CP: variants seen among roughly 807,000 people sequenced by gnomAD.
The protein encoded by CP is caeruloplasmin.
CP carries 64 observed loss-of-function variants against 122.4 expected under a neutral mutation model. The ratio of observed to expected loss-of-function variants is 0.52; its 90% CI spans 0.43 to 0.64. The LOEUF (loss-of-function observed/expected upper bound fraction) is 0.64. Among genes scored for constraint, CP ranks in the 30% least tolerant of loss-of-function variants. The pLI is 0.00. For synonymous variants in CP, 440 were observed against 436.4 expected (o/e 1.01, Z -0.10); for missense variants, 1,167 against 1,284.4 (o/e 0.91, Z 1.40).
intron 11 of CP, 78 bp downstream of exon 11, chr3:149,186,442 C>T: frequency 1.5e-6 from 2 of 1,362,480 alleles, no homozygotes; most frequent in Non-Finnish European, 2.1e-6. Flanking sequence ...GTTTATCACC[C>T]AACACATTCT....
At position 149,177,912 on chromosome 3, in the gene CP, C is replaced by G; in HGVS notation, c.2946G>C (p.Trp982Cys). The G allele has an allele frequency of 6.2e-7, 1 of 1,613,538 alleles. No homozygotes were observed. The highest frequency in any genetic ancestry group is 8.5e-7 in the Non-Finnish European group (1 of 1,179,502). Residue 982 changes from tryptophan to cysteine, a missense_variant, in exon 17 of 19, where the codon TGG becomes TGC. Trp to Cys is a radical substitution (Grantham distance 215). Around this residue, in one of 2 missense-constraint regions of CP, gnomAD observed 525 missense variants for 657.2 expected, o/e 0.80. Coordinates refer to ENST00000264613, the MANE Select transcript of CP (RefSeq NM_000096.4). ...LTMHVGDEVN[W>C]YLMGMGNEID... ...TTTCATTGCCCATTCCCATCAGATA[C>G]CAGTTGACTTCATCTCCCACGTGCA...
chr3:149,206,336 C>T lies in CP; in HGVS notation c.1040G>A (p.Gly347Asp). 1 of 1,613,784 alleles carries T rather than the reference C, an allele frequency of 6.2e-7. No homozygotes were observed. The highest frequency in any genetic ancestry group is 1.1e-5 in the South Asian group (1 of 91,068). ...CTGGACCTGGAAAAAGGCTTGCAAACCGGCTGAAATGAAACAGAAAGAGGC... is the reference window on the plus strand; with the variant it reads ...CTGGACCTGGAAAAAGGCTTGCAAATCGGCTGAAATGAAACAGAAAGAGGC... Reference protein sequence around the residue: ...SCQNLNHLKAGLQAFFQVQEC... With the variant: ...SCQNLNHLKADLQAFFQVQEC... Residue 347 changes from glycine to aspartate, a missense_variant, in exon 6 of 19, where the codon GGT becomes GAT. By Grantham distance (94) the Gly-to-Asp change is moderately conservative (BLOSUM62 -1). Coordinates refer to ENST00000264613, the MANE Select transcript of CP (RefSeq NM_000096.4).
intron 15 of CP, among the ~76,000 whole-genome samples, chr3:149,179,022 G>A (rs1016233064): frequency 3.3e-5 from 5 of 152,090 alleles, no homozygotes; most frequent in Middle Eastern, 3.2e-3. Flanking sequence ...ATAATAAATA[G>A]GACCACAAAT....
chr3:149,168,114 T>A, downstream of CP: 1 of 665,958 alleles, frequency 1.5e-6, no homozygotes, highest in South Asian at 1.7e-5. Context: ...GGGGAGCTTA[T>A]TTTCAGCATT....
intron 9 of CP, among the ~76,000 whole-genome samples, chr3:149,193,539 T>C (rs1726683012): frequency 6.6e-6 from 1 of 152,188 alleles, no homozygotes; most frequent in Non-Finnish European, 1.5e-5. Flanking sequence ...ACTATTTTCT[T>C]CTTTTACCTC....
chr3:149,203,833 A>G (rs546011977), intron 6 of CP, among the ~76,000 whole-genome samples: 3 of 152,330 alleles, frequency 2.0e-5, no homozygotes, highest in African/African-American at 7.2e-5. Flanking sequence ...AAGACAGGCC[A>G]TGAACCCATC....
intron 1 of CP, among the ~76,000 whole-genome samples, chr3:149,217,013 G>A (rs1223291067): frequency 6.7e-6 from 1 of 149,836 alleles, no homozygotes; most frequent in Non-Finnish European, 1.5e-5. Context: ...CAACTCTCCT[G>A]CCTTGGCCTC....
chr3:149,200,813 T>C (rs1036361106), intron 7 of CP, among the ~76,000 whole-genome samples: 1 of 151,948 alleles, frequency 6.6e-6, no homozygotes, highest in Non-Finnish European at 1.5e-5. Context: ...CCCAGCCAAG[T>C]TGAGTAACTT....
downstream of CP, among the ~76,000 whole-genome samples, chr3:149,169,247 G>T (rs909456944): frequency 1.3e-5 from 2 of 152,104 alleles, no homozygotes; most frequent in African/African-American, 4.8e-5. Context: ...CTTTAGGTTC[G>T]TTTCACAGAA....
In CP at chr3:149,221,390, G is replaced by A. The variant is rs35541542; in HGVS notation, c.146+257C>T. Among the ~76,000 whole-genome samples the A allele has an allele frequency of 0.022, 3,385 of 152,134 alleles. 129 individuals are homozygous for A. The highest frequency in any genetic ancestry group is 0.078 in the African/African-American group (3,247 of 41,500). ...CACATAAAAAGACAGATTCCTAATC[G>A]GAGATGCAGTTACGACCATGGGAGG... On this transcript the variant is annotated intron_variant, in intron 1 of 18. Coordinates refer to ENST00000264613, the MANE Select transcript of CP (RefSeq NM_000096.4).
chr3:149,194,163 C>A (rs900659570), intron 9 of CP, among the ~76,000 whole-genome samples: 3 of 151,400 alleles, frequency 2.0e-5, no homozygotes, highest in Non-Finnish European at 2.9e-5. Context: ...AAAGTAAGCA[C>A]AAGATCAAGA....
chr3:149,181,979 A>ACCCACACCC, intron 14 of CP, 26 bp downstream of exon 14: 1 of 515,792 alleles, frequency 1.9e-6, no homozygotes, highest in Non-Finnish European at 3.7e-6. Flanking sequence ...AAAATGCACC[A>ACCCACACCC]CCCCCACCCC....
At chr3:149,208,132 G>A (rs772018710) in intron 4 of CP, among the ~76,000 whole-genome samples, 6 of 151,912 alleles carry the variant, frequency 3.9e-5, no homozygotes, top group Non-Finnish European at 7.4e-5. Context: ...TTTTAAGATT[G>A]GAAGAGATAT....
intron 13 of CP, among the ~76,000 whole-genome samples, chr3:149,182,605 A>G (rs1376343093): frequency 6.6e-6 from 1 of 152,082 alleles, no homozygotes; most frequent in African/African-American, 2.4e-5. Context: ...CCTGCAATTG[A>G]TAGTTTTAAA....
In CP at chr3:149,210,028, C is replaced by T. The variant is rs34865491; in HGVS notation, c.607+139G>A. The stretch of plus-strand genomic sequence containing the variant: ...TTCTCCTAGTCCTGCCTGGCTCTTC[C>T]CTTCCTTTTTTTCTACTTACCACCT... On this transcript the variant is annotated intron_variant, in intron 3 of 18. Coordinates refer to ENST00000264613, the MANE Select transcript of CP (RefSeq NM_000096.4). 67,074 of 754,916 alleles carry T rather than the reference C, an allele frequency of 0.089. 3,225 individuals carry two copies. Among genetic ancestry groups the T allele is most frequent in the Non-Finnish European group, 0.099 (44,787 of 451,930 alleles). 46.8% of individuals were successfully genotyped at this position (754,916 alleles called of 1,614,324 possible). A position where few individuals can be genotyped will look rare whatever the true frequency, so the allele number is the denominator to read the frequency against.
intron 1 of CP, among the ~76,000 whole-genome samples, chr3:149,217,308 T>A (rs541106009): frequency 6.6e-6 from 1 of 152,308 alleles, no homozygotes; most frequent in East Asian, 1.9e-4. Flanking sequence ...CATTTAAAAA[T>A]TTAAAAATCA....
downstream of CP, chr3:149,172,337 C>A: frequency 1.4e-6 from 1 of 697,410 alleles, no homozygotes; most frequent in Non-Finnish European, 2.5e-6. Flanking sequence ...CACACACACA[C>A]ACACACACAC....
At chr3:149,214,001 T>A (rs933030313) in intron 1 of CP, among the ~76,000 whole-genome samples, 3 of 152,176 alleles carry the variant, frequency 2.0e-5, no homozygotes, top group Non-Finnish European at 4.4e-5. Flanking sequence ...TGATTCTGAT[T>A]CTGTGGGTCT....
At chr3:149,211,420 G>T (rs1166897960) in intron 2 of CP, among the ~76,000 whole-genome samples, 1 of 152,138 alleles carries the variant, frequency 6.6e-6, no homozygotes. Context: ...GCAAGGCTGG[G>T]GCTCAGACCT....
Sources: allele counts gnomAD v4.1 joint callset (sites outside exome capture counted in the v4.1 genomes callset), GRCh38; gene constraint gnomAD v4.1.1; regional missense constraint gnomAD v4.1.1; transcripts MANE v1.5; gene names NCBI Gene and HGNC (gene_info 2026-07-23, HGNC 2026-07-21).